Variants in TNFAIP8 observed in about 807,000 individuals in gnomAD.
TNFAIP8 encodes the protein tumor necrosis factor alpha-induced protein 8.
TNFAIP8 carries 7 observed loss-of-function variants against 13.3 expected under a neutral mutation model. The ratio of observed to expected loss-of-function variants is 0.52; its 90% CI spans 0.30 to 0.99. The LOEUF is 0.99. Among genes scored for constraint, TNFAIP8 ranks in the 50% least tolerant of loss-of-function variants. The pLI, the probability that TNFAIP8 is intolerant of heterozygous loss-of-function variation, is 0.07. For synonymous variants in TNFAIP8, 94 were observed against 87.6 expected, an observed-to-expected ratio of 1.07 and a Z score of -0.41; for missense variants, 258 against 236.9, an observed-to-expected ratio of 1.09 and a Z score of -0.58.
At chr5:119,301,694 T>C (rs972972313) in intron 1 of TNFAIP8, among the ~76,000 whole-genome samples, 3 of 152,130 alleles carry the variant, frequency 2.0e-5, no homozygotes, top group African/African-American at 7.2e-5. Context: ...ATCTTAAAGA[T>C]AGAAAATAAA....
rs1199214955 is a variant in TNFAIP8 at position 119,392,770 on chromosome 5, A to T, written c.32-46A>T. 5.4e-6 allele frequency: 8 copies of T among 1,481,258 alleles called. No homozygotes were observed. In the African/African-American group the frequency reaches 8.6e-5, roughly 16 times the overall value. 91.8% of individuals were successfully genotyped at this position (1,481,258 alleles called of 1,614,324 possible). On this transcript the variant is annotated intron_variant, in intron 1 of 1. Coordinates refer to ENST00000504771, the MANE Select transcript of TNFAIP8 (RefSeq NM_014350.4). ...TGTTTTTAGTTCGCTTCACTTGCTGATATTTACTAATTGTTAATTCTTTTC... is the reference window on the plus strand; with the variant it reads ...TGTTTTTAGTTCGCTTCACTTGCTGTTATTTACTAATTGTTAATTCTTTTC...
chr5:119,373,703 G>A (rs1213681792), intron 1 of TNFAIP8, among the ~76,000 whole-genome samples: 1 of 152,216 alleles, frequency 6.6e-6, no homozygotes, highest in Non-Finnish European at 1.5e-5. Flanking sequence ...AATATGGTAC[G>A]TATGCCACTG....
At chr5:119,273,883 G>A (rs992576614) in intron 1 of TNFAIP8, among the ~76,000 whole-genome samples, 3 of 152,142 alleles carry the variant, frequency 2.0e-5, no homozygotes, top group African/African-American at 4.8e-5. Context: ...TTTTAAAGGA[G>A]CCAAAAAGTA....
chr5:119,279,782 G>A (rs1016586673), intron 1 of TNFAIP8, among the ~76,000 whole-genome samples: 5 of 152,108 alleles, frequency 3.3e-5, no homozygotes, highest in African/African-American at 1.2e-4. Context: ...TGCTCTTGAG[G>A]TATTTTGGAG....
chr5:119,349,252 T>G (rs1751031637), intron 1 of TNFAIP8, among the ~76,000 whole-genome samples: 1 of 152,228 alleles, frequency 6.6e-6, no homozygotes, highest in Admixed American at 6.5e-5. Context: ...TAGACACTCT[T>G]AAACAATCTG....
At position 119,394,071 on chromosome 5, in the gene TNFAIP8, T is replaced by C. The variant is rs1447375210; in HGVS notation, c.*690T>C. On this transcript the variant is annotated 3_prime_UTR_variant, in exon 2 of 2. Transcript: ENST00000504771. ...CTTAAATTTCTCAGAAATGTAATGG[T>C]GTGTCATTGCCTTGAAATGCTTGCT... 1 of 152,246 alleles carries C rather than the reference T, an allele frequency of 6.6e-6. No individual in the cohort carries two copies. The highest frequency in any genetic ancestry group is 6.5e-5 in the Admixed American group (1 of 15,288). 9.4% of individuals were successfully genotyped at this position (152,246 alleles called of 1,614,324 possible). A position where few individuals can be genotyped will look rare whatever the true frequency, so the allele number is the denominator to read the frequency against.
At chr5:119,353,523 A>G (rs546419805), upstream of TNFAIP8, among the ~76,000 whole-genome samples, 3 of 152,352 alleles carry the variant, frequency 2.0e-5, no homozygotes, top group African/African-American at 7.2e-5. Flanking sequence ...GAGCTAAAAC[A>G]GAGCATTCTT....
At chr5:119,290,297 C>T (rs1748940990) in intron 1 of TNFAIP8, among the ~76,000 whole-genome samples, 1 of 152,186 alleles carries the variant, frequency 6.6e-6, no homozygotes, top group South Asian at 2.1e-4. Flanking sequence ...GGCTTGAGGT[C>T]TCCCATAGGA....
chr5:119,380,541 A>T (rs1752448172), intron 1 of TNFAIP8, among the ~76,000 whole-genome samples: 1 of 152,194 alleles, frequency 6.6e-6, no homozygotes, highest in Non-Finnish European at 1.5e-5. Flanking sequence ...CAACAGTGGA[A>T]AGGTTTTATG....
At chr5:119,293,156 C>A (rs1358080885) in intron 1 of TNFAIP8, among the ~76,000 whole-genome samples, 1 of 152,012 alleles carries the variant, frequency 6.6e-6, no homozygotes, top group East Asian at 1.9e-4. Flanking sequence ...ATGGCTAAAT[C>A]AAGCCATTTA....
upstream of TNFAIP8, chr5:119,355,163 GC>G (rs1751336540): frequency 1.7e-5 from 11 of 631,558 alleles, 1 homozygote; most frequent in South Asian, 1.6e-4. Flanking sequence ...AGGCTGTCCG[GC>G]TTCTTTATTC....
chr5:119,289,643 T>C (rs1246830764), intron 1 of TNFAIP8, among the ~76,000 whole-genome samples: 1 of 152,216 alleles, frequency 6.6e-6, no homozygotes, highest in Non-Finnish European at 1.5e-5. Flanking sequence ...TGTACATGGC[T>C]GCTGTTTATT....
At chr5:119,378,168 G>A (rs1752351545) in intron 1 of TNFAIP8, among the ~76,000 whole-genome samples, 1 of 152,176 alleles carries the variant, frequency 6.6e-6, no homozygotes, top group Non-Finnish European at 1.5e-5. Context: ...TGATATCCAG[G>A]TTACAACTTC....
At chr5:119,320,295 GTCC>G (rs995261445) in intron 1 of TNFAIP8, among the ~76,000 whole-genome samples, 1 of 152,160 alleles carries the variant, frequency 6.6e-6, no homozygotes, top group African/African-American at 2.4e-5. Flanking sequence ...ACTTCTTCAA[GTCC>G]TCCTGCAATT....
chr5:119,357,313 G>C (rs1484845174), intron 1 of TNFAIP8, among the ~76,000 whole-genome samples: 1 of 152,216 alleles, frequency 6.6e-6, no homozygotes, highest in East Asian at 1.9e-4. Flanking sequence ...TATGGGGGGA[G>C]TAATGCTTTC....
chr5:119,269,560 C>A (rs1748210129), intron 1 of TNFAIP8, among the ~76,000 whole-genome samples: 1 of 152,204 alleles, frequency 6.6e-6, no homozygotes. Context: ...GACTGATAGG[C>A]ACGTTCAAGA....
At chr5:119,353,089 T>A (rs1201166105), upstream of TNFAIP8, among the ~76,000 whole-genome samples, 1 of 152,260 alleles carries the variant, frequency 6.6e-6, no homozygotes, top group Non-Finnish European at 1.5e-5. Context: ...GAAGTGTTGC[T>A]AACTTAGTTG....
At chr5:119,384,634 T>C (rs982764650) in intron 1 of TNFAIP8, among the ~76,000 whole-genome samples, 3 of 152,204 alleles carry the variant, frequency 2.0e-5, no homozygotes, top group African/African-American at 7.2e-5. Flanking sequence ...CTTGTGGATA[T>C]AAACCTCTGG....
chr5:119,337,674 C>T (rs73790809), intron 1 of TNFAIP8, among the ~76,000 whole-genome samples: 5,303 of 152,250 alleles, frequency 0.035, 310 homozygotes, highest in African/African-American at 0.12. Context: ...GCGGGGCTGC[C>T]GTGAGCAGTA....
Sources: gnomAD v4.1 joint callset for allele counts (sites outside exome capture counted in the v4.1 genomes callset) on GRCh38, gnomAD v4.1.1 for gene constraint, MANE v1.5 for transcripts, NCBI Gene and HGNC (gene_info 2026-07-23, HGNC 2026-07-21) for gene names.